WWOX: variants seen among roughly 807,000 people sequenced by gnomAD.
The protein encoded by WWOX is WW domain-containing oxidoreductase.
Under a neutral mutation model 46.2 loss-of-function variants are expected in WWOX, and 69 were observed. The observed-to-expected ratio is 1.49, with a 90% CI of 1.23 to 1.82. The LOEUF (loss-of-function observed/expected upper bound fraction) is 1.82, where lower values mean the gene tolerates loss of function less well. Among genes scored for constraint, WWOX ranks in the 40% most tolerant of loss-of-function variants. The pLI is 0.00. For synonymous variants in WWOX, 359 were observed against 202.6 expected, an observed-to-expected ratio of 1.77 and a Z score of -6.56; for missense variants, 919 against 542.6, an observed-to-expected ratio of 1.69 and a Z score of -6.89.
At chr16:79,062,461 G>C (rs2048372922) in intron 8 of WWOX, among the ~76,000 whole-genome samples, 1 of 152,088 alleles carries the variant, frequency 6.6e-6, no homozygotes, top group Non-Finnish European at 1.5e-5. Flanking sequence ...ACACTTCCCG[G>C]TGCCGTGCGG....
chr16:79,059,492 A>T (rs2048322163), intron 8 of WWOX, among the ~76,000 whole-genome samples: 1 of 152,116 alleles, frequency 6.6e-6, no homozygotes, highest in Non-Finnish European at 1.5e-5. Flanking sequence ...TTTTATTTAT[A>T]TGTTTTTTCT....
Position 78,709,247 on chromosome 16 carries a change from C to T in WWOX, c.1056+276495C>T, listed in dbSNP as rs114410503. Reference sequence around the variant, plus strand: ...CTCCTGTTAACACAATGCTTTTATCCCGTAATCTCTGCCTGCGGGAGACAA... The same window carrying T: ...CTCCTGTTAACACAATGCTTTTATCTCGTAATCTCTGCCTGCGGGAGACAA... On this transcript the variant is annotated intron_variant, in intron 8 of 8. Transcript: ENST00000566780. Among the ~76,000 whole-genome samples the T allele has an allele frequency of 3.1e-3, 472 of 152,282 alleles. 1 individual carries two copies. The highest frequency in any genetic ancestry group is 0.011 in the African/African-American group (450 of 41,562).
chr16:78,705,141 T>C (rs968910245), intron 8 of WWOX, among the ~76,000 whole-genome samples: 1 of 152,158 alleles, frequency 6.6e-6, no homozygotes, highest in African/African-American at 2.4e-5. Context: ...AGGCTGTGAT[T>C]TTCTTTGATA....
intron 8 of WWOX, among the ~76,000 whole-genome samples, chr16:78,632,995 G>A (rs896125153): frequency 1.3e-5 from 2 of 152,136 alleles, no homozygotes; most frequent in East Asian, 3.9e-4. Context: ...AGGCATGGTG[G>A]CTCATGCCTG....
intron 8 of WWOX, among the ~76,000 whole-genome samples, chr16:79,013,665 C>T (rs572228315): frequency 6.6e-6 from 1 of 152,162 alleles, no homozygotes; most frequent in East Asian, 1.9e-4. Flanking sequence ...GTTTGCATCA[C>T]GTGGATACAC....
intron 6 of WWOX, among the ~76,000 whole-genome samples, chr16:78,395,306 T>A (rs1024760817): frequency 1.3e-4 from 20 of 152,120 alleles, no homozygotes; most frequent in African/African-American, 4.8e-4. Flanking sequence ...GTTGCTTGAG[T>A]TCCGGAGTTT....
At chr16:78,177,117 C>A (rs565581116) in intron 5 of WWOX, among the ~76,000 whole-genome samples, 1 of 152,186 alleles carries the variant, frequency 6.6e-6, no homozygotes, top group African/African-American at 2.4e-5. Context: ...AGTTGAGAAG[C>A]ATGGCTCAAC....
intron 8 of WWOX, among the ~76,000 whole-genome samples, chr16:79,170,388 C>T (rs912830240): frequency 4.6e-5 from 7 of 152,210 alleles, no homozygotes; most frequent in Admixed American, 3.3e-4. Context: ...TCCAGAAGCA[C>T]TTTCCTCTTT....
chr16:78,658,750 A>C (rs968751683), intron 8 of WWOX, among the ~76,000 whole-genome samples: 3 of 151,972 alleles, frequency 2.0e-5, no homozygotes, highest in Non-Finnish European at 2.9e-5. Flanking sequence ...GGATGACCTC[A>C]TTTTACCTTA....
chr16:78,410,734 A>T (rs1241800481), intron 6 of WWOX, among the ~76,000 whole-genome samples: 1 of 144,844 alleles, frequency 6.9e-6, no homozygotes, highest in East Asian at 2.0e-4. Context: ...TCAAAACAGG[A>T]GGCGGAGGTT....
intron 8 of WWOX, among the ~76,000 whole-genome samples, chr16:78,752,237 T>C (rs541449925): frequency 6.6e-6 from 1 of 152,356 alleles, no homozygotes; most frequent in East Asian, 1.9e-4. Flanking sequence ...TGTTCTTTAA[T>C]ATTTTGTCTG....
At chr16:78,311,222 G>C (rs1052838448) in intron 5 of WWOX, among the ~76,000 whole-genome samples, 5 of 152,140 alleles carry the variant, frequency 3.3e-5, no homozygotes, top group Admixed American at 6.5e-5. Context: ...GGTTGGACTG[G>C]TTGGTTTCCT....
intron 7 of WWOX, among the ~76,000 whole-genome samples, chr16:78,428,348 A>G (rs1371951770): frequency 2.0e-5 from 3 of 151,182 alleles, no homozygotes; most frequent in African/African-American, 7.2e-5. Context: ...TCTGGCTCAG[A>G]CAGATAAGAA....
chr16:78,982,896 A>T (rs2151335630), intron 8 of WWOX, among the ~76,000 whole-genome samples: 1 of 152,264 alleles, frequency 6.6e-6, no homozygotes, highest in Admixed American at 6.5e-5. Flanking sequence ...CTGTGTGGTG[A>T]TGTTGTGAAC....
chr16:78,301,000 C>T (rs940266365), intron 5 of WWOX, among the ~76,000 whole-genome samples: 2 of 145,254 alleles, frequency 1.4e-5, no homozygotes, highest in Non-Finnish European at 3.1e-5. Flanking sequence ...ACCCACCCAT[C>T]CATCCATCCA....
intron 8 of WWOX, among the ~76,000 whole-genome samples, chr16:78,502,012 A>G (rs1375450406): frequency 1.3e-5 from 2 of 152,146 alleles, no homozygotes; most frequent in African/African-American, 2.4e-5. Flanking sequence ...TCCCCTTTGC[A>G]AAAGTAAGAA....
intron 5 of WWOX, among the ~76,000 whole-genome samples, chr16:78,214,465 G>C (rs2036655873): frequency 6.6e-6 from 1 of 152,154 alleles, no homozygotes. Context: ...TGTGGTCGCT[G>C]TCTGCACTCC....
chr16:79,209,905 C>T (rs1407285320), intron 8 of WWOX, among the ~76,000 whole-genome samples: 2 of 152,150 alleles, frequency 1.3e-5, no homozygotes, highest in Non-Finnish European at 2.9e-5. Context: ...AACTCATTTC[C>T]ATTAGACTTG....
intron 8 of WWOX, among the ~76,000 whole-genome samples, chr16:78,784,943 C>T (rs2050418386): frequency 6.6e-6 from 1 of 152,130 alleles, no homozygotes; most frequent in African/African-American, 2.4e-5. Flanking sequence ...AGCGAGGTGT[C>T]CCTTTTGCAG....
Sources: gnomAD v4.1 joint callset for allele counts (sites outside exome capture counted in the v4.1 genomes callset) on GRCh38, gnomAD v4.1.1 for gene constraint, MANE v1.5 for transcripts, NCBI Gene and HGNC (gene_info 2026-07-23, HGNC 2026-07-21) for gene names.